PLXNA3: variants seen among roughly 807,000 people sequenced by gnomAD.
PLXNA3 encodes the protein plexin-A3.
In PLXNA3, 52 loss-of-function variants were observed where a neutral mutation model predicts 118.8. That is an observed-to-expected ratio of 0.44 (90% confidence interval 0.35 to 0.55). The LOEUF (loss-of-function observed/expected upper bound fraction) is 0.55. Among genes scored for constraint, PLXNA3 ranks in the 20% least tolerant of loss-of-function variants. The pLI is 0.01. For synonymous variants in PLXNA3, 925 were observed against 762.4 expected (o/e 1.21, Z -3.51); for missense variants, 1,660 against 1,730.8 (o/e 0.96, Z 0.73).
Position 154,468,206 on chromosome X carries a change from G to C in PLXNA3, c.3945G>C (p.Pro1315=). 8.5e-7 allele frequency: 1 copy of C among 1,179,778 alleles called. No individual in the cohort carries two copies. The highest frequency in any genetic ancestry group is 1.7e-5 in the African/African-American group (1 of 57,268). Residue 1315 remains proline (P), a synonymous_variant, in exon 22 of 33, where the codon CCG becomes CCC. Transcript: ENST00000369682. ...RVLFPGIEAH[P]VLKELDTPPN... ...TCTTCCCGGGCATCGAGGCCCACCC[G>C]GTGCTCAAGGAGCTGGATGTGAGCC...
rs2069222441 is a variant in PLXNA3, at chrX:154,474,528, A to C, written c.*1843A>C. On this transcript the variant is annotated 3_prime_UTR_variant, in exon 33 of 33. Transcript: ENST00000369682. ...AGTGTCGCTCTGTCGCCCAGGCTGG[A>C]GTGCAGTGGCATGATCTCGGCTCAC... 9.6e-6 allele frequency: 1 copy of C among 104,590 alleles called. No individual in the cohort carries two copies. Among genetic ancestry groups the C allele is most frequent in the Non-Finnish European group, 1.9e-5 (1 of 51,297 alleles). 8.6% of individuals were successfully genotyped at this position (104,590 alleles called of 1,213,427 possible). A position where few individuals can be genotyped will look rare whatever the true frequency, so the allele number is the denominator to read the frequency against.
rs150974296 is a variant in PLXNA3 at position 154,461,305 on chromosome X, G to A, written c.801G>A (p.Ala267=). Residue 267 remains alanine, a synonymous_variant, in exon 3 of 33, where the codon GCG becomes GCA. Coordinates refer to ENST00000369682, the MANE Select transcript of PLXNA3 (RefSeq NM_017514.5). ...CGTCCAAGATCGTGCGCATGTGCGC[G>A]GGAGACTCAGAGTTCTACTCATACG... is the stretch of plus-strand genomic sequence containing the variant. ...FFTSKIVRMC[A]GDSEFYSYVE... 193 of 1,211,449 alleles carry A rather than the reference G, an allele frequency of 1.6e-4. No homozygotes were observed. The highest frequency in any genetic ancestry group is 4.6e-4 in the Middle Eastern group (2 of 4,373).
In PLXNA3 at chrX:154,471,327, G is replaced by A. The variant is rs1557209429; in HGVS notation, c.5369+10G>A. ...AGAGCTGGGTGGAGAGGTGGGCTCC[G>A]CCCTGCTGTGGGTGGCAGAGGGCAG... On this transcript the variant is annotated intron_variant, in intron 31 of 32. Transcript: ENST00000369682. 3.3e-6 allele frequency: 4 copies of A among 1,197,057 alleles called. No individual in the cohort carries two copies. The highest frequency in any genetic ancestry group is 4.5e-6 in the Non-Finnish European group (4 of 883,885).
chrX:154,470,778 G>A (rs1557209200), intron 30 of PLXNA3, 167 bp downstream of exon 30: 6 of 496,804 alleles, frequency 1.2e-5, no homozygotes, highest in African/African-American at 4.8e-5. Context: ...GGCCTGTTGC[G>A]TCCAGTTCTG....
chrX:154,470,035 T>A lies in PLXNA3; in HGVS notation c.4854T>A (p.Ile1618=), dbSNP rs1328263136. Residue 1618 remains isoleucine (I), a synonymous_variant, in exon 29 of 33, where the codon ATT becomes ATA. Transcript: ENST00000369682. The stretch of plus-strand genomic sequence containing the variant: ...GCCTCCGCTCACGGGCACCCATGAT[T>A]ACGCCTGACCAGGAGACAGGCACCA... ...PDSLRSRAPM[I]TPDQETGTKL... 2 of 1,211,325 alleles carry A rather than the reference T, an allele frequency of 1.7e-6. No individual in the cohort carries two copies. The highest frequency in any genetic ancestry group is 2.2e-6 in the Non-Finnish European group (2 of 895,381).
At position 154,467,426 on chromosome X, in the gene PLXNA3, C is replaced by G; in HGVS notation, c.3396C>G (p.Pro1132=). 1 of 1,200,585 alleles carries G rather than the reference C, an allele frequency of 8.3e-7. No individual in the cohort carries two copies. Among genetic ancestry groups the G allele is most frequent in the Non-Finnish European group, 1.1e-6 (1 of 894,461 alleles). Residue 1132 remains proline (P), a synonymous_variant, in exon 19 of 33, where the codon CCC becomes CCG. Transcript: ENST00000369682. ...YPDPSFEPLG[P]SGVLDVKPGS... is the part of the protein sequence containing the mutation. ...ATCCCAGCTTTGAGCCGCTGGGGCC[C>G]TCTGGCGTGCTGGACGTCAAACCGG...
rs782228957 is a variant in PLXNA3 at position 154,466,060 on chromosome X, C to G, written c.2658C>G (p.Ala886=). ...VAGVRCNSIP[A]EYISAERIVC... is the part of the protein sequence containing the mutation. ...GCGTGCGTTGCAACTCCATTCCGGCCGAGTACATCAGTGCTGAGAGGTGAG... is the reference window on the plus strand; with the variant it reads ...GCGTGCGTTGCAACTCCATTCCGGCGGAGTACATCAGTGCTGAGAGGTGAG... The change falls in exon 14 of 33, where the codon GCC becomes GCG. Residue 886 remains alanine (A), a synonymous_variant. Transcript: ENST00000369682. 11 of 1,209,008 alleles carry G rather than the reference C, an allele frequency of 9.1e-6. No homozygotes were observed. The highest frequency in any genetic ancestry group is 1.1e-5 in the Non-Finnish European group (10 of 893,861).
rs781994203 is a variant in PLXNA3 at position 154,469,968 on chromosome X, C to G, written c.4796-9C>G. 8.3e-6 allele frequency: 10 copies of G among 1,207,878 alleles called. No homozygotes were observed. In the African/African-American group the frequency reaches 1.4e-4, roughly 17 times the overall value. ...GTGGCCTAAGGGTCACATGCATTCT[C>G]TGCTCCAGAGAGCTTGCTCCGCACG... is the stretch of plus-strand genomic sequence containing the variant. On this transcript the variant is annotated splice_polypyrimidine_tract_variant and intron_variant, in intron 28 of 32. Transcript: ENST00000369682.
Position 154,466,036 on chromosome X carries a change from C to T in PLXNA3, c.2634C>T (p.Gly878=), listed in dbSNP as rs781870500. 1.7e-5 allele frequency: 21 copies of T among 1,208,579 alleles called. No individual in the cohort carries two copies. The highest frequency in any genetic ancestry group is 3.5e-5 in the South Asian group (2 of 56,601). ...GAGAGGTGGGCCTGCGGGTGGCTGG[C>T]GTGCGTTGCAACTCCATTCCGGCCG... ...LSREVGLRVA[G]VRCNSIPAEY... is the part of the protein sequence containing the mutation. The change falls in exon 14 of 33, where the codon GGC becomes GGT. Residue 878 remains glycine (G), a synonymous_variant. Coordinates refer to ENST00000369682, the MANE Select transcript of PLXNA3 (RefSeq NM_017514.5).
chrX:154,464,591 C>T, intron 9 of PLXNA3, 90 bp downstream of exon 9: 1 of 807,721 alleles, frequency 1.2e-6, no homozygotes, highest in Non-Finnish European at 1.8e-6. Flanking sequence ...GTTTCTGGGG[C>T]ATCAGGGGCT....
chrX:154,464,343 G>A, intron 8 of PLXNA3, 30 bp downstream of exon 8: 1 of 1,201,715 alleles, frequency 8.3e-7, no homozygotes. Context: ...CCAGGATGGG[G>A]CAGAGTGGGG....
rs1195585058 is a variant in PLXNA3 at position 154,472,874 on chromosome X, G to T, written c.*189G>T. 1 of 408,178 alleles carries T rather than the reference G, an allele frequency of 2.4e-6. No homozygotes were observed. The highest frequency in any genetic ancestry group is 2.5e-5 in the African/African-American group (1 of 39,721). The allele number at this position is 408,178 out of a possible 1,213,427, so 33.6% of individuals were successfully genotyped here. ...TAGTGCCTTGCTTTGGGCCCTGCAG[G>T]GGGAGGGGTGACAGGGCGAGCCCCC... On this transcript the variant is annotated 3_prime_UTR_variant, in exon 33 of 33. Transcript: ENST00000369682.
intron 30 of PLXNA3, 182 bp downstream of exon 30, chrX:154,470,793 T>C: frequency 2.1e-6 from 1 of 471,336 alleles, no homozygotes; most frequent in Non-Finnish European, 3.6e-6. Context: ...GTTCTGGAGC[T>C]GGACTGCCTG....
In PLXNA3 at chrX:154,463,634, C is replaced by T. The variant is rs781978007; in HGVS notation, c.1491C>T (p.Cys497=). Residue 497 remains cysteine (C), a synonymous_variant, in exon 6 of 33, where the codon TGC becomes TGT. Coordinates refer to ENST00000369682, the MANE Select transcript of PLXNA3 (RefSeq NM_017514.5). ...AGACCTGTGAGCAGTACCAGAGCTG[C>T]GCAGCCTGCCTGGGCTCCGGGGACC... ...PVETCEQYQS[C]AACLGSGDPH... The T allele has an allele frequency of 1.0e-5, 12 of 1,205,228 alleles. No individual in the cohort carries two copies. Among genetic ancestry groups the T allele is most frequent in the Admixed American group, 8.7e-5 (4 of 45,772 alleles).
At chrX:154,460,047 T>G in intron 1 of PLXNA3, 110 bp from the exon 2 acceptor site, 1 of 463,755 alleles carries the variant, frequency 2.2e-6, no homozygotes, top group Admixed American at 3.8e-5. Context: ...CGGAGGCCCC[T>G]CCTCTCTCCC....
At position 154,469,985 on chromosome X, in the gene PLXNA3, C is replaced by T; in HGVS notation, c.4804C>T (p.Leu1602Phe). ...TGCATTCTCTGCTCCAGAGAGCTTG[C>T]TCCGCACGGCCAGCAGCCCTGATAG... ...TRSLSRYESLLRTASSPDSLR... is the reference protein window; with the variant it reads ...TRSLSRYESLFRTASSPDSLR... The change falls in exon 29 of 33, where the codon CTC (leucine) becomes TTC (phenylalanine). Residue 1602 changes from leucine (L) to phenylalanine (F), a missense_variant. Coordinates refer to ENST00000369682, the MANE Select transcript of PLXNA3 (RefSeq NM_017514.5). 8.3e-7 allele frequency: 1 copy of T among 1,210,776 alleles called. No homozygotes were observed. The highest frequency in any genetic ancestry group is 1.1e-6 in the Non-Finnish European group (1 of 894,921).
In PLXNA3 at chrX:154,460,617, C is replaced by A. The variant is rs1466257504; in HGVS notation, c.434C>A (p.Ala145Asp). 1.9e-5 allele frequency: 23 copies of A among 1,188,874 alleles called. No homozygotes were observed. The highest frequency in any genetic ancestry group is 2.6e-5 in the Non-Finnish European group (23 of 883,010). ...CGCAAGGAGCACTACCTGTCGGGGG[C>A]CCAGGAGCCCGACTCCATGGCTGGT... Reference protein sequence around the residue: ...HHRKEHYLSGAQEPDSMAGVI... With the variant: ...HHRKEHYLSGDQEPDSMAGVI... The change falls in exon 2 of 33, where the codon GCC becomes GAC. Residue 145 changes from alanine (A) to aspartate (D), a missense_variant. By Grantham distance (126) the Ala-to-Asp change is moderately radical (BLOSUM62 -2). Coordinates refer to ENST00000369682, the MANE Select transcript of PLXNA3 (RefSeq NM_017514.5).
In PLXNA3 at chrX:154,460,593, G is replaced by A. The variant is rs781885592; in HGVS notation, c.410G>A (p.Arg137His). The A allele has an allele frequency of 1.0e-5, 12 of 1,201,938 alleles. No homozygotes were observed. Among genetic ancestry groups the A allele is most frequent in the Non-Finnish European group, 1.1e-5 (10 of 890,300 alleles). The change falls in exon 2 of 33, where the codon CGC becomes CAC. Residue 137 changes from arginine to histidine, a missense_variant. Transcript: ENST00000369682. ...DLFKLGEPHH[R>H]KEHYLSGAQE... is the part of the protein sequence containing the mutation. ...TTCAAGCTGGGTGAGCCGCACCACC[G>A]CAAGGAGCACTACCTGTCGGGGGCC...
At chrX:154,458,725 A>G (rs374226294) in intron 1 of PLXNA3, among the ~76,000 whole-genome samples, 2 of 109,595 alleles carry the variant, frequency 1.8e-5, no homozygotes, top group African/African-American at 6.6e-5. Context: ...GGCCCGGGCA[A>G]ACCGGACCAG....
Sources: allele counts gnomAD v4.1 joint callset (sites outside exome capture counted in the v4.1 genomes callset), GRCh38; gene constraint gnomAD v4.1.1; transcripts MANE v1.5; gene names NCBI Gene and HGNC (gene_info 2026-07-23, HGNC 2026-07-21).